The following MYT1L variants were observed in gnomAD, a reference collection of about 807,000 sequenced individuals.
The protein encoded by MYT1L is myelin transcription factor 1 like.
MYT1L carries 12 observed loss-of-function variants against 126.7 expected under a neutral mutation model. The ratio of observed to expected loss-of-function variants is 0.09; its 90% CI spans 0.06 to 0.15. The LOEUF (loss-of-function observed/expected upper bound fraction) is 0.15, where lower values mean the gene tolerates loss of function less well. Ranked by LOEUF, MYT1L falls within the 10% of genes least tolerant of loss-of-function variation. MYT1L has a pLI of 1.00. For synonymous variants in MYT1L, 541 were observed against 604.2 expected (o/e 0.90, Z 1.53); for missense variants, 979 against 1,585.2 (o/e 0.62, Z 6.49).
chr2:1,973,431 C>T (rs987074195), intron 8 of MYT1L, among the ~76,000 whole-genome samples: 1 of 152,146 alleles, frequency 6.6e-6, no homozygotes, highest in Non-Finnish European at 1.5e-5. Flanking sequence ...CACTAACTTG[C>T]ACTTTGTTTT....
intron 3 of MYT1L, among the ~76,000 whole-genome samples, chr2:2,084,328 C>T (rs910920723): frequency 6.6e-6 from 1 of 152,252 alleles, no homozygotes; most frequent in African/African-American, 2.4e-5. Context: ...CTGCTTACCC[C>T]ATCTCCTGGT....
At position 2,137,535 on chromosome 2, in the gene MYT1L, A is replaced by G. The variant is rs374254729; in HGVS notation, c.-304+35337T>C. 7.3e-3 allele frequency among the ~76,000 whole-genome samples: 1,119 copies of G among 152,250 alleles called. 17 individuals carry two copies. The highest frequency in any genetic ancestry group is 0.025 in the African/African-American group (1,036 of 41,548). On this transcript the variant is annotated intron_variant, in intron 3 of 24. Coordinates refer to ENST00000647738, the MANE Select transcript of MYT1L (RefSeq NM_001303052.2). ...GAACAGAGCCCTCAGAAATAATGCC[A>G]CATATCTACAACTATCTGATCTTTG...
intron 9 of MYT1L, among the ~76,000 whole-genome samples, chr2:1,937,797 G>A (rs570428620): frequency 6.6e-6 from 1 of 152,210 alleles, no homozygotes; most frequent in Non-Finnish European, 1.5e-5. Context: ...CGTGGAGAAG[G>A]CCCTAAGGTG....
At chr2:1,872,842 C>T (rs533349252) in intron 18 of MYT1L, among the ~76,000 whole-genome samples, 8 of 152,320 alleles carry the variant, frequency 5.3e-5, no homozygotes, top group Middle Eastern at 3.4e-3. Context: ...ATTCTAAGCA[C>T]GTTACAAACA....
chr2:2,066,208 C>T (rs2071251132), intron 3 of MYT1L, among the ~76,000 whole-genome samples: 2 of 152,176 alleles, frequency 1.3e-5, no homozygotes, highest in African/African-American at 4.8e-5. Context: ...TCCTACTTCT[C>T]TTATTAAATA....
intron 8 of MYT1L, among the ~76,000 whole-genome samples, chr2:1,956,132 T>C (rs2058325449): frequency 6.6e-6 from 1 of 152,162 alleles, no homozygotes; most frequent in African/African-American, 2.4e-5. Context: ...TCTTTCTACC[T>C]ACCTATGTCT....
chr2:1,957,698 C>A (rs551272569), intron 8 of MYT1L, among the ~76,000 whole-genome samples: 125 of 152,258 alleles, frequency 8.2e-4, no homozygotes, highest in African/African-American at 2.8e-3. Context: ...TACAGAGGTG[C>A]AGCAGTGGGC....
chr2:1,813,908 T>A (rs1176024625), intron 21 of MYT1L, among the ~76,000 whole-genome samples: 2 of 120,150 alleles, frequency 1.7e-5, no homozygotes, highest in Non-Finnish European at 3.4e-5. Flanking sequence ...GCGCCTGTAG[T>A]CCCAGCTACT....
intron 1 of MYT1L, among the ~76,000 whole-genome samples, chr2:2,287,076 G>C (rs1274118111): frequency 1.3e-5 from 2 of 152,214 alleles, no homozygotes; most frequent in East Asian, 1.9e-4. Context: ...GACCAACATG[G>C]AGAAACCCGG....
chr2:2,113,956 A>T (rs1165423207), intron 3 of MYT1L, among the ~76,000 whole-genome samples: 1 of 152,066 alleles, frequency 6.6e-6, no homozygotes, highest in African/African-American at 2.4e-5. Flanking sequence ...CAGATAGGAA[A>T]ATAGTTATGA....
chr2:2,097,241 G>C (rs901092329), intron 3 of MYT1L, among the ~76,000 whole-genome samples: 2 of 152,132 alleles, frequency 1.3e-5, no homozygotes, highest in Non-Finnish European at 2.9e-5. Flanking sequence ...TTCCTGCTTT[G>C]CTACACGGCA....
At chr2:2,037,878 A>G (rs1004560358) in intron 4 of MYT1L, among the ~76,000 whole-genome samples, 1 of 152,158 alleles carries the variant, frequency 6.6e-6, no homozygotes, top group Non-Finnish European at 1.5e-5. Context: ...AGTTTTCAAA[A>G]CTATACATTC....
At chr2:1,985,572 C>A (rs886553699) in intron 5 of MYT1L, among the ~76,000 whole-genome samples, 3 of 152,192 alleles carry the variant, frequency 2.0e-5, no homozygotes, top group African/African-American at 7.2e-5. Flanking sequence ...ATTTTCTAGT[C>A]ATCCTTCAAA....
rs547842935 is a variant in MYT1L at position 2,272,366 on chromosome 2, C to T, written c.-421+12038G>A. Among the ~76,000 whole-genome samples the T allele has an allele frequency of 4.7e-4, 72 of 152,312 alleles. 1 individual carries two copies. The highest frequency in any genetic ancestry group is 1.4e-3 in the African/African-American group (58 of 41,568). ...GCTCTCCCTGGCCTCACCCTGCCCC[C>T]GCCCTCGCTGAGCCCTGGTGCTCTC... On this transcript the variant is annotated intron_variant, in intron 2 of 24. Coordinates refer to ENST00000647738, the MANE Select transcript of MYT1L (RefSeq NM_001303052.2).
chr2:2,263,978 T>G (rs1213855891), intron 2 of MYT1L, among the ~76,000 whole-genome samples: 1 of 152,174 alleles, frequency 6.6e-6, no homozygotes, highest in Non-Finnish European at 1.5e-5. Context: ...CTATAAAGAA[T>G]GGACCGCTAA....
chr2:2,159,923 T>C (rs2087558122), intron 3 of MYT1L, among the ~76,000 whole-genome samples: 1 of 152,100 alleles, frequency 6.6e-6, no homozygotes, highest in Non-Finnish European at 1.5e-5. Context: ...AAGCCCAAAG[T>C]GCTCAGGTGC....
chr2:2,241,909 G>C (rs1267927167), intron 2 of MYT1L, among the ~76,000 whole-genome samples: 1 of 152,160 alleles, frequency 6.6e-6, no homozygotes, highest in African/African-American at 2.4e-5. Flanking sequence ...ACAGAAAGCA[G>C]AATGCTGGGA....
chr2:2,255,699 C>T (rs990996160), intron 2 of MYT1L, among the ~76,000 whole-genome samples: 3 of 152,292 alleles, frequency 2.0e-5, no homozygotes, highest in Non-Finnish European at 2.9e-5. Context: ...CGTGTGGATG[C>T]CTGCAGTGAC....
At chr2:2,158,375 G>A (rs2087098049) in intron 3 of MYT1L, among the ~76,000 whole-genome samples, 1 of 152,218 alleles carries the variant, frequency 6.6e-6, no homozygotes, top group Non-Finnish European at 1.5e-5. Flanking sequence ...TTGGCATGCA[G>A]TCACCTCAGC....
Sources: allele counts gnomAD v4.1 joint callset (sites outside exome capture counted in the v4.1 genomes callset), GRCh38; gene constraint gnomAD v4.1.1; transcripts MANE v1.5; gene names NCBI Gene and HGNC (gene_info 2026-07-23, HGNC 2026-07-21).